PTPRD: variants seen among roughly 807,000 people sequenced by gnomAD.
PTPRD encodes the protein receptor-type tyrosine-protein phosphatase delta.
Under a neutral mutation model 214.5 loss-of-function variants are expected in PTPRD, and 34 were observed. The ratio of observed to expected loss-of-function variants is 0.16; its 90% CI spans 0.12 to 0.21. PTPRD has a LOEUF of 0.21. PTPRD is among the 10% of genes least tolerant of loss of function. The pLI, the probability that PTPRD is intolerant of heterozygous loss-of-function variation, is 1.00. For missense variants in PTPRD, 2,545 were observed against 2,398.7 expected (o/e 1.06, Z -1.27); for synonymous variants, 1,128 against 845.7 (o/e 1.33, Z -5.79).
chr9:8,464,166 G>C (rs554995500), intron 32 of PTPRD, among the ~76,000 whole-genome samples: 1 of 151,836 alleles, frequency 6.6e-6, no homozygotes, highest in Non-Finnish European at 1.5e-5. Context: ...CTGCAGGATC[G>C]AATGAGATTT....
chr9:8,991,707 A>C (rs1269050143), intron 11 of PTPRD, among the ~76,000 whole-genome samples: 1 of 152,168 alleles, frequency 6.6e-6, no homozygotes, highest in Non-Finnish European at 1.5e-5. Context: ...CTCTTAGGGT[A>C]ATTTTAATTA....
At chr9:8,404,773 T>A (rs1378304590) in intron 35 of PTPRD, 113 bp from the exon 36 acceptor site, 1 of 1,289,476 alleles carries the variant, frequency 7.8e-7, no homozygotes, top group African/African-American at 1.5e-5. Flanking sequence ...GAAGCCATAC[T>A]TCATCAAGAT....
At chr9:9,805,995 G>A (rs1019284986) in intron 5 of PTPRD, among the ~76,000 whole-genome samples, 4 of 152,114 alleles carry the variant, frequency 2.6e-5, no homozygotes, top group African/African-American at 9.7e-5. Flanking sequence ...TAGAGGGAAT[G>A]GTGATCCTAA....
chr9:10,545,709 G>A (rs2060032868), intron 2 of PTPRD, among the ~76,000 whole-genome samples: 1 of 152,138 alleles, frequency 6.6e-6, no homozygotes, highest in African/African-American at 2.4e-5. Context: ...GTTCTGTTGA[G>A]GAGCCGTCTC....
chr9:10,168,720 T>A (rs1452990929), intron 3 of PTPRD, among the ~76,000 whole-genome samples: 1 of 152,204 alleles, frequency 6.6e-6, no homozygotes, highest in East Asian at 1.9e-4. Flanking sequence ...AATGACTAAC[T>A]ACATAAGTTT....
chr9:10,274,886 T>C lies in PTPRD; in HGVS notation c.-545+66077A>G, dbSNP rs79912964. On this transcript the variant is annotated intron_variant, in intron 3 of 45. Transcript: ENST00000381196. ...AATGGAAATGTGCCCTCAGGAATAA[T>C]GACGGTGGAATAGATGGTATGGGTG... is the stretch of plus-strand genomic sequence containing the variant. Among the ~76,000 whole-genome samples the C allele has an allele frequency of 7.1e-3, 1,081 of 152,234 alleles. 18 individuals carry two copies. Among genetic ancestry groups the C allele is most frequent in the African/African-American group, 0.024 (1,016 of 41,572 alleles).
intron 7 of PTPRD, among the ~76,000 whole-genome samples, chr9:9,712,993 T>G (rs892245299): frequency 1.3e-5 from 2 of 152,214 alleles, no homozygotes; most frequent in African/African-American, 4.8e-5. Flanking sequence ...CTTGTCCAGT[T>G]TAACTTTCTG....
At chr9:9,469,508 T>G (rs2094448026) in intron 8 of PTPRD, among the ~76,000 whole-genome samples, 1 of 152,042 alleles carries the variant, frequency 6.6e-6, no homozygotes, top group African/African-American at 2.4e-5. Context: ...CTACTTAGAG[T>G]TGGTTTATAG....
At chr9:10,279,604 C>A (rs189846356) in intron 3 of PTPRD, among the ~76,000 whole-genome samples, 2 of 151,988 alleles carry the variant, frequency 1.3e-5, no homozygotes, top group African/African-American at 4.8e-5. Flanking sequence ...AAGCTACTTT[C>A]ACGTGTCTAC....
intron 10 of PTPRD, among the ~76,000 whole-genome samples, chr9:9,182,021 G>A (rs1329553924): frequency 2.6e-5 from 4 of 151,974 alleles, no homozygotes; most frequent in Non-Finnish European, 4.4e-5. Context: ...AGACACAGAG[G>A]AATTCAAAAG....
At chr9:10,077,657 C>G (rs1361429642) in intron 3 of PTPRD, among the ~76,000 whole-genome samples, 1 of 152,082 alleles carries the variant, frequency 6.6e-6, no homozygotes, top group Non-Finnish European at 1.5e-5. Context: ...TTCCTCCTCT[C>G]TCAAGTAGGC....
At chr9:10,036,009 C>T (rs4740441) in intron 3 of PTPRD, among the ~76,000 whole-genome samples, 31,227 of 151,888 alleles carry the variant, frequency 0.21, 3,647 homozygotes, top group East Asian at 0.49. Flanking sequence ...CCAATGATCA[C>T]TTCAGATTCC....
intron 2 of PTPRD, among the ~76,000 whole-genome samples, chr9:10,409,574 G>A (rs1033189923): frequency 6.6e-6 from 1 of 151,656 alleles, no homozygotes; most frequent in South Asian, 2.1e-4. Flanking sequence ...ACATTTATAT[G>A]GAATACCAGT....
At chr9:9,217,061 C>G (rs943599426) in intron 9 of PTPRD, among the ~76,000 whole-genome samples, 2 of 151,672 alleles carry the variant, frequency 1.3e-5, no homozygotes, top group African/African-American at 2.4e-5. Context: ...TTTTTTAATC[C>G]TTAAGACTAG....
At chr9:10,086,388 G>T (rs983410909) in intron 3 of PTPRD, among the ~76,000 whole-genome samples, 1 of 151,566 alleles carries the variant, frequency 6.6e-6, no homozygotes, top group African/African-American at 2.4e-5. Context: ...CACTGTGATT[G>T]CTACTGAAGG....
intron 9 of PTPRD, among the ~76,000 whole-genome samples, chr9:9,344,928 G>A (rs545648173): frequency 1.1e-4 from 17 of 152,112 alleles, no homozygotes; most frequent in African/African-American, 4.1e-4. Flanking sequence ...AAAGCCAGAG[G>A]AGTTTCTGAA....
intron 2 of PTPRD, among the ~76,000 whole-genome samples, chr9:10,482,671 T>A (rs2099108327): frequency 6.6e-6 from 1 of 152,050 alleles, no homozygotes; most frequent in African/African-American, 2.4e-5. Flanking sequence ...ACACCAACAA[T>A]GACCAAGATG....
At chr9:8,620,809 T>C (rs1267235778) in intron 14 of PTPRD, among the ~76,000 whole-genome samples, 7 of 151,980 alleles carry the variant, frequency 4.6e-5, no homozygotes, top group Non-Finnish European at 1.0e-4. Flanking sequence ...TATTAAGCCA[T>C]GGAGGATTGT....
chr9:9,121,447 A>C (rs934620164), intron 10 of PTPRD, among the ~76,000 whole-genome samples: 1 of 150,480 alleles, frequency 6.6e-6, no homozygotes, highest in Non-Finnish European at 1.5e-5. Context: ...TCAACAAAGA[A>C]ACTTTGGTAT....
Sources: gnomAD v4.1 joint callset for allele counts (sites outside exome capture counted in the v4.1 genomes callset) on GRCh38, gnomAD v4.1.1 for gene constraint, MANE v1.5 for transcripts, NCBI Gene and HGNC (gene_info 2026-07-23, HGNC 2026-07-21) for gene names.